The following RLN2 variants were observed in gnomAD, a reference collection of about 807,000 sequenced individuals.
RLN2 encodes prorelaxin H2.
RLN2 carries 10 observed loss-of-function variants against 7.3 expected under a neutral mutation model. The observed-to-expected ratio is 1.36, with a 90% confidence interval of 0.84 to 2.31. The LOEUF is 2.31. Ranked by LOEUF, RLN2 falls within the 30% of genes most tolerant of loss-of-function variation. The pLI is 0.00. For synonymous variants in RLN2, 103 were observed against 82.3 expected, an observed-to-expected ratio of 1.25 and a Z score of -1.36; for missense variants, 298 against 217.6, an observed-to-expected ratio of 1.37 and a Z score of -2.32.
chr9:5,330,637 CAAAAAAAAAAA>C, the RLN2 span, among the ~76,000 whole-genome samples: 33 of 74,742 alleles, frequency 4.4e-4, 1 homozygote, highest in Admixed American at 2.4e-3. Context: ...GACTCCATCT[CAAAAAAAAAAA>C]AAAAAAAGAA....
At chr9:5,335,393 T>C in the RLN2 span, 19 of 1,613,624 alleles carry the variant, frequency 1.2e-5, no homozygotes, top group African/African-American at 2.1e-4. Context: ...GTCTGCGGCT[T>C]CACTTTGCCT....
At chr9:5,327,476 G>A in the RLN2 span, among the ~76,000 whole-genome samples, 2 of 152,010 alleles carry the variant, frequency 1.3e-5, no homozygotes, top group African/African-American at 4.8e-5. Context: ...TAGCGGCAGG[G>A]CATAGTAGAA....
the RLN2 span, chr9:5,335,151 C>A: frequency 4.6e-6 from 3 of 648,152 alleles, no homozygotes; most frequent in Non-Finnish European, 5.1e-6. Context: ...ATAAAGATTT[C>A]TTATATTCTA....
At chr9:5,310,572 A>G in the RLN2 span, among the ~76,000 whole-genome samples, 1 of 152,002 alleles carries the variant, frequency 6.6e-6, no homozygotes, top group African/African-American at 2.4e-5. Flanking sequence ...CATAGCTTCA[A>G]TCGAACCTTT....
At chr9:5,311,696 G>A in the RLN2 span, 1 of 1,251,168 alleles carries the variant, frequency 8.0e-7, no homozygotes, top group South Asian at 1.2e-5. Flanking sequence ...GAAAGCCGAA[G>A]GTGCTGGAGA....
the RLN2 span, among the ~76,000 whole-genome samples, chr9:5,332,439 C>G: frequency 1.3e-5 from 2 of 152,070 alleles, no homozygotes; most frequent in Middle Eastern, 6.8e-3. Flanking sequence ...CCCTGGATAA[C>G]TGGTGCTGGA....
chr9:5,320,441 G>A, the RLN2 span, among the ~76,000 whole-genome samples: 1 of 151,844 alleles, frequency 6.6e-6, no homozygotes, highest in East Asian at 1.9e-4. Context: ...CATGATCTCG[G>A]CTCACTGCAA....
chr9:5,323,337 C>A, the RLN2 span, among the ~76,000 whole-genome samples: 2 of 151,912 alleles, frequency 1.3e-5, no homozygotes, highest in African/African-American at 4.8e-5. Flanking sequence ...AGCCAAAAAA[C>A]CTCAAAGGGT....
upstream of RLN2, among the ~76,000 whole-genome samples, chr9:5,308,475 TG>T (rs1261434415): frequency 2.0e-5 from 3 of 152,010 alleles, no homozygotes; most frequent in African/African-American, 7.3e-5. Context: ...TTGCTTTTAT[TG>T]GGGTTTGTGG....
chr9:5,315,400 A>T, the RLN2 span, among the ~76,000 whole-genome samples: 2 of 151,448 alleles, frequency 1.3e-5, no homozygotes, highest in Admixed American at 6.6e-5. Flanking sequence ...AAATTACCCA[A>T]TGAGAAGGAA....
chr9:5,314,520 T>C, the RLN2 span, among the ~76,000 whole-genome samples: 1 of 151,998 alleles, frequency 6.6e-6, no homozygotes, highest in Non-Finnish European at 1.5e-5. Flanking sequence ...ACCCAATCAG[T>C]TGCACATCTC....
upstream of RLN2, among the ~76,000 whole-genome samples, chr9:5,309,022 GTAAT>G (rs1816301857): frequency 6.6e-6 from 1 of 152,000 alleles, no homozygotes; most frequent in South Asian, 2.1e-4. Flanking sequence ...GTAATTCTAT[GTAAT>G]TAATAAATTT....
chr9:5,336,172 T>C, the RLN2 span, among the ~76,000 whole-genome samples: 2 of 152,094 alleles, frequency 1.3e-5, no homozygotes, highest in African/African-American at 4.8e-5. Context: ...TCCTCAATCA[T>C]CTATTTAACA....
chr9:5,301,869 C>T (rs1014696502), intron 1 of RLN2, among the ~76,000 whole-genome samples: 6 of 152,134 alleles, frequency 3.9e-5, no homozygotes, highest in Non-Finnish European at 7.4e-5. Flanking sequence ...CATCCTTCCT[C>T]CCAACACTCT....
At chr9:5,326,164 A>C in the RLN2 span, among the ~76,000 whole-genome samples, 1 of 152,136 alleles carries the variant, frequency 6.6e-6, no homozygotes, top group Non-Finnish European at 1.5e-5. Context: ...AGTGTTCCTT[A>C]TAAATGCAGG....
the RLN2 span, among the ~76,000 whole-genome samples, chr9:5,313,556 T>G: frequency 6.6e-6 from 1 of 152,040 alleles, no homozygotes; most frequent in African/African-American, 2.4e-5. Context: ...TTATTTTATT[T>G]AATTGACAAA....
At chr9:5,324,904 A>G in the RLN2 span, among the ~76,000 whole-genome samples, 1 of 152,174 alleles carries the variant, frequency 6.6e-6, no homozygotes, top group South Asian at 2.1e-4. Flanking sequence ...CTATTCAGCC[A>G]TATGATGTAA....
chr9:5,317,543 T>C, the RLN2 span, among the ~76,000 whole-genome samples: 1 of 149,878 alleles, frequency 6.7e-6, no homozygotes, highest in African/African-American at 2.5e-5. Context: ...TCAAAGCCTA[T>C]ATAGGTAAAG....
At chr9:5,310,320 A>C in the RLN2 span, among the ~76,000 whole-genome samples, 1 of 151,986 alleles carries the variant, frequency 6.6e-6, no homozygotes, top group Admixed American at 6.6e-5. Context: ...CTTGTGTGTG[A>C]AGCTGTGTTT....
Sources: allele counts gnomAD v4.1 joint callset (sites outside exome capture counted in the v4.1 genomes callset), GRCh38; gene constraint gnomAD v4.1.1; transcripts MANE v1.5; gene names NCBI Gene and HGNC (gene_info 2026-07-23, HGNC 2026-07-21).